The following LAMA2 variants were observed in gnomAD, a reference collection of about 807,000 sequenced individuals.
LAMA2 encodes laminin subunit alpha 2.
Under a neutral mutation model 364.8 loss-of-function variants are expected in LAMA2, and 269 were observed. The observed-to-expected ratio is 0.74, with a 90% CI of 0.67 to 0.82. The LOEUF is 0.82. Ranked by LOEUF, LAMA2 falls within the 40% of genes least tolerant of loss-of-function variation. The probability of loss-of-function intolerance (pLI) is 0.00; values close to 1 mark genes in which losing one functional copy is unlikely to be tolerated. For missense variants in LAMA2, 3,807 were observed against 3,873.2 expected (o/e 0.98, Z 0.45); for synonymous variants, 1,379 against 1,370.6 (o/e 1.01, Z -0.14).
At chr6:129,158,493 A>G (rs1309898029) in intron 8 of LAMA2, 32 of 1,613,920 alleles carry the variant, frequency 2.0e-5, no homozygotes, top group Middle Eastern at 1.6e-4. Flanking sequence ...TGACTGGTCA[A>G]TAAGGTCTTT....
intron 40 of LAMA2, among the ~76,000 whole-genome samples, chr6:129,420,455 AT>A (rs5879946): frequency 0.98 from 149,232 of 152,118 alleles, 73,212 homozygotes; most frequent in East Asian, 1. Flanking sequence ...ATTTAAAATC[AT>A]TTTAAGTTTT....
chr6:129,451,166 T>G (rs1193344576), intron 45 of LAMA2, among the ~76,000 whole-genome samples: 1 of 152,192 alleles, frequency 6.6e-6, no homozygotes, highest in African/African-American at 2.4e-5. Flanking sequence ...CTTTGCCATA[T>G]TAACATCCAA....
chr6:129,397,764 T>TA (rs908450772), intron 37 of LAMA2, among the ~76,000 whole-genome samples: 12 of 148,596 alleles, frequency 8.1e-5, no homozygotes, highest in African/African-American at 2.5e-4. Context: ...AAATGAAAAT[T>TA]AAAAAAAAAT....
At chr6:128,909,090 T>C (rs1777702528) in intron 1 of LAMA2, among the ~76,000 whole-genome samples, 1 of 150,082 alleles carries the variant, frequency 6.7e-6, no homozygotes, top group Non-Finnish European at 1.5e-5. Context: ...TGTGGTGTGG[T>C]GCTGAAAAAA....
In LAMA2 at chr6:129,213,500, A is replaced by G. The variant is rs190931348; in HGVS notation, c.1782+20647A>G. Among the ~76,000 whole-genome samples the G allele has an allele frequency of 5.8e-4, 88 of 152,334 alleles. 1 individual carries two copies. In the East Asian group the frequency reaches 0.017, roughly 29 times the overall value. ...TAATTTTGCATTCTCACCAGCAATGAACAAGAGTTCCTGTTTCTCCACATT... is the reference window on the plus strand; with the variant it reads ...TAATTTTGCATTCTCACCAGCAATGGACAAGAGTTCCTGTTTCTCCACATT... On this transcript the variant is annotated intron_variant, in intron 12 of 64. Transcript: ENST00000421865.
intron 1 of LAMA2, among the ~76,000 whole-genome samples, chr6:128,946,419 G>T (rs1022419290): frequency 3.9e-5 from 6 of 152,124 alleles, no homozygotes; most frequent in Non-Finnish European, 8.8e-5. Context: ...TGGTGGACTG[G>T]GATCCTCAGC....
Position 129,098,340 on chromosome 6 carries a change from A to G in LAMA2, c.564A>G (p.Pro188=), listed in dbSNP as rs1433292579. ...TLYNIYPRTG[P]PSYAKDDEVI... Reference sequence around the variant, plus strand: ...ACAATATTTATCCCCGCACTGGGCCACCGTCATATGCCAAAGATGATGAGG... The same window carrying G: ...ACAATATTTATCCCCGCACTGGGCCGCCGTCATATGCCAAAGATGATGAGG... The change falls in exon 4 of 65, where the codon CCA becomes CCG. Residue 188 remains proline (P), a synonymous_variant. Coordinates refer to ENST00000421865, the MANE Select transcript of LAMA2 (RefSeq NM_000426.4). The G allele has an allele frequency of 6.2e-7, 1 of 1,614,044 alleles. No homozygotes were observed. The highest frequency in any genetic ancestry group is 8.5e-7 in the Non-Finnish European group (1 of 1,179,972).
chr6:129,044,119 T>A (rs1008983754), intron 1 of LAMA2, among the ~76,000 whole-genome samples: 2 of 152,124 alleles, frequency 1.3e-5, no homozygotes, highest in Non-Finnish European at 2.9e-5. Context: ...GTATTCATAG[T>A]CTTCCTGGCT....
At position 129,060,095 on chromosome 6, in the gene LAMA2, T is replaced by A. The variant is rs1020758729; in HGVS notation, c.396+199T>A. On this transcript the variant is annotated intron_variant, in intron 3 of 64. Coordinates refer to ENST00000421865, the MANE Select transcript of LAMA2 (RefSeq NM_000426.4). Reference sequence around the variant, plus strand: ...TTCAGCATTTAATTATAAAGCACAATTCAAATGGAAGCACGTGAAGAGCTT... The same window carrying A: ...TTCAGCATTTAATTATAAAGCACAAATCAAATGGAAGCACGTGAAGAGCTT... Among the ~76,000 whole-genome samples, 3 of 152,206 alleles carry A rather than the reference T, an allele frequency of 2.0e-5. No individual in the cohort carries two copies. The East Asian group carries it at 5.8e-4, about 29-fold the overall frequency.
chr6:128,929,358 G>A, intron 1 of LAMA2: 3 of 1,062,984 alleles, frequency 2.8e-6, no homozygotes, highest in South Asian at 1.3e-5. Context: ...GTGAGACCTC[G>A]AGAGAATACA....
intron 1 of LAMA2, among the ~76,000 whole-genome samples, chr6:128,977,980 C>T (rs775648085): frequency 3.3e-5 from 5 of 152,108 alleles, no homozygotes. Context: ...ATGAGTTGTC[C>T]TTCTTTTAAA....
intron 43 of LAMA2, chr6:129,442,073 G>C (rs1583759413): frequency 2.1e-6 from 1 of 477,290 alleles, no homozygotes; most frequent in East Asian, 7.3e-5. Flanking sequence ...ACTTTCAAGA[G>C]ACTAGCCCTC....
chr6:129,004,879 G>GAT (rs898119685), intron 1 of LAMA2, among the ~76,000 whole-genome samples: 19 of 151,708 alleles, frequency 1.3e-4, no homozygotes, highest in African/African-American at 3.6e-4. Flanking sequence ...CACTTTTCAG[G>GAT]ATATATATAT....
chr6:129,467,828 G>A (rs1783622279), intron 51 of LAMA2, among the ~76,000 whole-genome samples: 1 of 151,798 alleles, frequency 6.6e-6, no homozygotes, highest in Non-Finnish European at 1.5e-5. Context: ...TATGTTTTAG[G>A]TTTACTGTAA....
intron 40 of LAMA2, among the ~76,000 whole-genome samples, chr6:129,427,476 C>T (rs75983945): frequency 6.6e-6 from 1 of 152,172 alleles, no homozygotes; most frequent in East Asian, 1.9e-4. Flanking sequence ...TCTCCTTTTC[C>T]TCTGTGGAAT....
At chr6:129,079,906 A>G (rs192476507) in intron 3 of LAMA2, among the ~76,000 whole-genome samples, 4 of 152,312 alleles carry the variant, frequency 2.6e-5, no homozygotes, top group East Asian at 1.9e-4. Flanking sequence ...GAAAATTATT[A>G]TCTTTATAGC....
In LAMA2 at chr6:129,229,211, A is replaced by T. The variant is rs141039854; in HGVS notation, c.1783-20901A>T. 2.2e-4 allele frequency among the ~76,000 whole-genome samples: 34 copies of T among 152,332 alleles called. No individual in the cohort carries two copies. In the East Asian group the frequency reaches 6.6e-3, roughly 29 times the overall value. On this transcript the variant is annotated intron_variant, in intron 12 of 64. Transcript: ENST00000421865. ...TTAGATAGTGATAAATGACAAGAAAAAAAGTAGAGCATGGAGGGCCTAGGA... is the reference window on the plus strand; with the variant it reads ...TTAGATAGTGATAAATGACAAGAAATAAAGTAGAGCATGGAGGGCCTAGGA...
At chr6:129,268,602 C>G (rs1039141136) in intron 16 of LAMA2, among the ~76,000 whole-genome samples, 4 of 152,050 alleles carry the variant, frequency 2.6e-5, no homozygotes, top group South Asian at 4.2e-4. Flanking sequence ...AAACTAGAAG[C>G]CTTTTTTAAC....
At chr6:129,365,305 T>C (rs1583581992) in intron 32 of LAMA2, among the ~76,000 whole-genome samples, 1 of 152,216 alleles carries the variant, frequency 6.6e-6, no homozygotes, top group Non-Finnish European at 1.5e-5. Flanking sequence ...AATAAATAAG[T>C]CAATAAATAT....
Sources: allele counts gnomAD v4.1 joint callset (sites outside exome capture counted in the v4.1 genomes callset), GRCh38; gene constraint gnomAD v4.1.1; transcripts MANE v1.5; gene names NCBI Gene and HGNC (gene_info 2026-07-23, HGNC 2026-07-21).